The following TMEM11 variants were observed in gnomAD, a reference collection of about 807,000 sequenced individuals.
TMEM11 encodes transmembrane protein 11.
In TMEM11, 1 loss-of-function variant was observed where a neutral mutation model predicts 17.0. The observed-to-expected ratio is 0.06, with a 90% CI of 0.02 to 0.28. The LOEUF (loss-of-function observed/expected upper bound fraction) is 0.28, where lower values mean the gene tolerates loss of function less well. Among genes scored for constraint, TMEM11 ranks in the 10% least tolerant of loss-of-function variants. The pLI is 1.00. For missense variants in TMEM11, 172 were observed against 252.9 expected (o/e 0.68, Z 2.17); for synonymous variants, 122 against 118.1 (o/e 1.03, Z -0.21).
In TMEM11 at chr17:21,198,889, A is replaced by G. The variant is rs934878560; in HGVS notation, c.63-49T>C. 6.4e-7 allele frequency: 1 copy of G among 1,565,696 alleles called. No homozygotes were observed. Among genetic ancestry groups the G allele is most frequent in the African/African-American group, 1.3e-5 (1 of 74,272 alleles). On this transcript the variant is annotated intron_variant, in intron 1 of 1. Coordinates refer to ENST00000317635, the MANE Select transcript of TMEM11 (RefSeq NM_003876.3). The surrounding 1 kb of genome is among the most constrained non-coding windows in gnomAD (Gnocchi z 6.5). The stretch of plus-strand genomic sequence containing the variant: ...GGGAGAGAGAGAGAGAGACAGGATG[A>G]TTAGGCTGAGGAGCACTTAACTGTG...
intron 1 of TMEM11, chr17:21,213,764 C>G: frequency 3.0e-6 from 1 of 332,786 alleles, no homozygotes; most frequent in Non-Finnish European, 5.5e-6. Context: ...GCCGATCGGC[C>G]CGCGGGCAGC....
Position 21,198,435 on chromosome 17 carries a change from C to T in TMEM11, c.468G>A (p.Pro156=), listed in dbSNP as rs564469579. ...LPLHTLTSST[P]VVLVRKDDLH... ...GGTCGTCCTTCCGGACCAGCACCACCGGGGTGGAGGAGGTGAGTGTGTGCA... is the reference window on the plus strand; with the variant it reads ...GGTCGTCCTTCCGGACCAGCACCACTGGGGTGGAGGAGGTGAGTGTGTGCA... Residue 156 remains proline, a synonymous_variant, in exon 2 of 2, where the codon CCG becomes CCA. Coordinates refer to ENST00000317635, the MANE Select transcript of TMEM11 (RefSeq NM_003876.3). This position sits in a 1 kb window ranked among gnomAD's most constrained non-coding sequence, Gnocchi z 6.5. 1.5e-5 allele frequency: 24 copies of T among 1,614,212 alleles called. No homozygotes were observed. The highest frequency in any genetic ancestry group is 9.3e-5 in the African/African-American group (7 of 75,054).
chr17:21,201,359 C>A (rs963826053), intron 1 of TMEM11, among the ~76,000 whole-genome samples: 1 of 152,214 alleles, frequency 6.6e-6, no homozygotes, highest in African/African-American at 2.4e-5. Context: ...CCTAATTAAA[C>A]GGCATGCACT....
intron 1 of TMEM11, chr17:21,211,127 A>G (rs1457182908): frequency 7.8e-7 from 1 of 1,289,864 alleles, no homozygotes; most frequent in Non-Finnish European, 1.0e-6. Context: ...GACAAGTGGC[A>G]ATCTGTTTGA....
chr17:21,200,404 C>G (rs1317721112), intron 1 of TMEM11, among the ~76,000 whole-genome samples: 3 of 152,240 alleles, frequency 2.0e-5, no homozygotes, highest in Non-Finnish European at 4.4e-5. Context: ...AAGTCTTTAT[C>G]TGGGCCTTGA....
At chr17:21,201,638 T>C (rs1404724263) in intron 1 of TMEM11, among the ~76,000 whole-genome samples, 1 of 152,082 alleles carries the variant, frequency 6.6e-6, no homozygotes, top group African/African-American at 2.4e-5. Context: ...GTTTTTATTT[T>C]TGAGACAGGT....
At position 21,205,482 on chromosome 17, in the gene TMEM11, T is replaced by C. The variant is rs546335840; in HGVS notation, c.63-6642A>G. ...AGGAGGAGGCAGGCCAGGGTAACGCTAGTTCTCTATCGCGCTGGGTGGGGA... is the reference window on the plus strand; with the variant it reads ...AGGAGGAGGCAGGCCAGGGTAACGCCAGTTCTCTATCGCGCTGGGTGGGGA... On this transcript the variant is annotated intron_variant, in intron 1 of 1. Transcript: ENST00000317635. Among the ~76,000 whole-genome samples the C allele has an allele frequency of 2.0e-5, 3 of 152,296 alleles. No homozygotes were observed. The East Asian group carries it at 5.8e-4, about 29-fold the overall frequency.
rs118021409 is a variant in TMEM11 at position 21,205,571 on chromosome 17, G to A, written c.63-6731C>T. Reference sequence around the variant, plus strand: ...TAAAATACACGTAAAATATACCACCGTAAGCACTTTTAAGTGTACAGTTCA... The same window carrying A: ...TAAAATACACGTAAAATATACCACCATAAGCACTTTTAAGTGTACAGTTCA... On this transcript the variant is annotated intron_variant, in intron 1 of 1. Coordinates refer to ENST00000317635, the MANE Select transcript of TMEM11 (RefSeq NM_003876.3). Among the ~76,000 whole-genome samples the A allele has an allele frequency of 1.1e-4, 16 of 152,108 alleles. No individual in the cohort carries two copies. In the East Asian group the frequency reaches 1.9e-3, roughly 18 times the overall value.
At chr17:21,206,110 G>GT in intron 1 of TMEM11, among the ~76,000 whole-genome samples, 1 of 152,088 alleles carries the variant, frequency 6.6e-6, no homozygotes, top group Non-Finnish European at 1.5e-5. Flanking sequence ...CAATTTTTTA[G>GT]TTTTTTTGAG....
At chr17:21,199,182 G>C (rs950281883) in intron 1 of TMEM11, among the ~76,000 whole-genome samples, 2 of 151,862 alleles carry the variant, frequency 1.3e-5, no homozygotes. Context: ...AATTAGCCAG[G>C]TGTGGTGGCG....
rs759716247 is a variant in TMEM11, at chr17:21,198,827, C to T, written c.76G>A (p.Ala26Thr). The change falls in exon 2 of 2, where the codon GCC becomes ACC. Residue 26 changes from alanine to threonine, a missense_variant. This residue lies in a region of TMEM11 where 49 missense variants were observed against 39.3 expected (regional missense o/e 1.25). Coordinates refer to ENST00000317635, the MANE Select transcript of TMEM11 (RefSeq NM_003876.3). The surrounding 1 kb of genome is among the most constrained non-coding windows in gnomAD (Gnocchi z 6.5). ...GSARERVSLS[A>T]TDCYIVHEIY... Reference sequence around the variant, plus strand: ...TCATGCACAATGTAGCAGTCTGTGGCCGACAAGCTCACCCTTTTGATGGAG... The same window carrying T: ...TCATGCACAATGTAGCAGTCTGTGGTCGACAAGCTCACCCTTTTGATGGAG... 13 of 1,608,104 alleles carry T rather than the reference C, an allele frequency of 8.1e-6. No homozygotes were observed. In the Middle Eastern group the frequency reaches 6.6e-4, roughly 82 times the overall value.
rs189548277 is a variant in TMEM11 at position 21,210,992 on chromosome 17, G to A, written c.62+3099C>T. ...TCAGGGGCCCTGAGACAGTGAAGCC[G>A]AGCAGCCCAAGTAAGACAGGCAGGG... On this transcript the variant is annotated intron_variant, in intron 1 of 1. Transcript: ENST00000317635. 6.0e-5 allele frequency: 78 copies of A among 1,289,718 alleles called. No homozygotes were observed. The East Asian group carries it at 1.1e-3, about 18-fold the overall frequency. 79.9% of individuals were successfully genotyped at this position (1,289,718 alleles called of 1,614,324 possible). A position where few individuals can be genotyped will look rare whatever the true frequency, so the allele number is the denominator to read the frequency against.
At chr17:21,213,259 T>C (rs1410811619) in intron 1 of TMEM11, 2 of 152,348 alleles carry the variant, frequency 1.3e-5, no homozygotes, top group African/African-American at 4.8e-5. Context: ...GCTCCACCAA[T>C]ACATCTTCTC....
chr17:21,199,047 T>C (rs1277598525), intron 1 of TMEM11, among the ~76,000 whole-genome samples: 1 of 151,732 alleles, frequency 6.6e-6, no homozygotes, highest in Non-Finnish European at 1.5e-5. Flanking sequence ...TAAAGCTGGG[T>C]GTGGTGGCTC....
intron 1 of TMEM11, chr17:21,213,331 T>C (rs556015646): frequency 6.6e-6 from 1 of 152,362 alleles, no homozygotes; most frequent in South Asian, 2.1e-4. Flanking sequence ...GCTTCCCAGA[T>C]GCAAAAACTG....
intron 1 of TMEM11, among the ~76,000 whole-genome samples, chr17:21,199,063 T>C (rs920960051): frequency 2.6e-5 from 4 of 151,666 alleles, no homozygotes; most frequent in African/African-American, 9.7e-5. Flanking sequence ...GGCTCACACC[T>C]GTAATCCTAG....
intron 1 of TMEM11, among the ~76,000 whole-genome samples, chr17:21,202,132 G>C (rs1974889208): frequency 6.6e-6 from 1 of 152,166 alleles, no homozygotes; most frequent in Non-Finnish European, 1.5e-5. Flanking sequence ...AGCACTCCTG[G>C]CCAAGAGAAC....
intron 1 of TMEM11, among the ~76,000 whole-genome samples, chr17:21,208,234 C>T (rs1188378053): frequency 3.3e-5 from 5 of 152,046 alleles, no homozygotes; most frequent in African/African-American, 1.2e-4. Flanking sequence ...CCTCGTGATC[C>T]GCCCACCTCG....
Position 21,211,195 on chromosome 17 carries a change from C to G in TMEM11, c.62+2896G>C, listed in dbSNP as rs1332474947. The G allele has an allele frequency of 5.4e-6, 7 of 1,289,864 alleles. No homozygotes were observed. In the South Asian group the frequency reaches 7.4e-5, roughly 14 times the overall value. 79.9% of individuals were successfully genotyped at this position (1,289,864 alleles called of 1,614,324 possible). ...AAGAATTCAGGTTACAGCTCAGAGT[C>G]TGATGTTCTTCATTACAAACACTGT... is the stretch of plus-strand genomic sequence containing the variant. On this transcript the variant is annotated intron_variant, in intron 1 of 1. Coordinates refer to ENST00000317635, the MANE Select transcript of TMEM11 (RefSeq NM_003876.3).
Sources: allele counts gnomAD v4.1 joint callset (sites outside exome capture counted in the v4.1 genomes callset), GRCh38; gene constraint gnomAD v4.1.1; regional missense constraint gnomAD v4.1.1; non-coding constraint Gnocchi (gnomAD v3.1); transcripts MANE v1.5; gene names NCBI Gene and HGNC (gene_info 2026-07-23, HGNC 2026-07-21).